The following EXOC5 variants were observed in gnomAD, a reference collection of about 807,000 sequenced individuals.
The protein encoded by EXOC5 is SEC10-like 1.
A neutral mutation model predicts 90.8 loss-of-function variants in EXOC5; 17 were observed. The observed-to-expected ratio is 0.19, with a 90% CI of 0.13 to 0.28. The LOEUF is 0.28. EXOC5 is among the 10% of genes least tolerant of loss of function. The pLI, the probability that EXOC5 is intolerant of heterozygous loss-of-function variation, is 1.00. For synonymous variants in EXOC5, 260 were observed against 270.0 expected (o/e 0.96, Z 0.36); for missense variants, 569 against 830.6 (o/e 0.69, Z 3.87).
chr14:57,215,895 T>C (rs1011991164), intron 15 of EXOC5, among the ~76,000 whole-genome samples: 6 of 152,220 alleles, frequency 3.9e-5, no homozygotes, highest in African/African-American at 1.4e-4. Flanking sequence ...AACTGTCTCT[T>C]TGCAGATGAT....
chr14:57,211,369 T>C (rs1882820288), intron 15 of EXOC5, among the ~76,000 whole-genome samples: 1 of 152,170 alleles, frequency 6.6e-6, no homozygotes, highest in African/African-American at 2.4e-5. Context: ...TGTATTATTT[T>C]TTGTATATGT....
chr14:57,263,014 G>A (rs1474486805), intron 1 of EXOC5, among the ~76,000 whole-genome samples: 1 of 152,096 alleles, frequency 6.6e-6, no homozygotes, highest in Non-Finnish European at 1.5e-5. Context: ...CAAATGACAA[G>A]AACTATGTCA....
At chr14:57,262,670 GTATA>G (rs1291957099) in intron 1 of EXOC5, among the ~76,000 whole-genome samples, 1 of 142,184 alleles carries the variant, frequency 7.0e-6, no homozygotes, top group South Asian at 2.1e-4. Flanking sequence ...ATACATAAGT[GTATA>G]TATATACATT....
At chr14:57,251,355 G>A (rs1261119123) in intron 1 of EXOC5, among the ~76,000 whole-genome samples, 1 of 152,186 alleles carries the variant, frequency 6.6e-6, no homozygotes, top group Non-Finnish European at 1.5e-5. Context: ...GGCATAAAGA[G>A]GCTGGTGGCC....
intron 15 of EXOC5, among the ~76,000 whole-genome samples, chr14:57,213,862 C>G (rs991872561): frequency 4.5e-4 from 68 of 151,066 alleles, no homozygotes; most frequent in African/African-American, 1.5e-3. Flanking sequence ...CCCAGCTACT[C>G]GGGAGGCTGA....
At chr14:57,239,350 A>G (rs1883783882) in intron 5 of EXOC5, among the ~76,000 whole-genome samples, 1 of 152,176 alleles carries the variant, frequency 6.6e-6, no homozygotes, top group Non-Finnish European at 1.5e-5. Context: ...TTCAGGAGAC[A>G]GGGACTGAAA....
At chr14:57,219,948 G>A (rs948662768) in intron 13 of EXOC5, among the ~76,000 whole-genome samples, 1 of 151,936 alleles carries the variant, frequency 6.6e-6, no homozygotes, top group Non-Finnish European at 1.5e-5. Context: ...AATAAAAAGG[G>A]AATCAAGCCA....
In EXOC5 at chr14:57,208,228, AG is replaced by A. The variant is rs1566723022; in HGVS notation, c.*380del. The A allele has an allele frequency of 6.2e-6, 1 of 161,326 alleles. No homozygotes were observed. The highest frequency in any genetic ancestry group is 1.4e-5 in the Non-Finnish European group (1 of 74,052). 10.0% of individuals were successfully genotyped at this position (161,326 alleles called of 1,614,324 possible). A position where few individuals can be genotyped will look rare whatever the true frequency, so the allele number is the denominator to read the frequency against. On this transcript the variant is annotated 3_prime_UTR_variant, in exon 18 of 18. Coordinates refer to ENST00000621441, the MANE Select transcript of EXOC5 (RefSeq NM_006544.4). ...ATTTCACCTATTATTAATGGAAAAC[AG>A]AATGGCAAAATTTCTAAATGGAATA...
intron 6 of EXOC5, among the ~76,000 whole-genome samples, chr14:57,236,292 T>C (rs894126373): frequency 1.3e-5 from 2 of 150,538 alleles, no homozygotes; most frequent in Admixed American, 6.6e-5. Context: ...ATTTTCTTTT[T>C]TTTTTTTTTT....
At chr14:57,255,631 G>A (rs907954261) in intron 1 of EXOC5, among the ~76,000 whole-genome samples, 1 of 152,070 alleles carries the variant, frequency 6.6e-6, no homozygotes, top group African/African-American at 2.4e-5. Flanking sequence ...TCAGGAGTTC[G>A]AGACCAGCCT....
At chr14:57,223,954 T>C (rs577568672) in intron 12 of EXOC5, among the ~76,000 whole-genome samples, 2 of 152,262 alleles carry the variant, frequency 1.3e-5, no homozygotes, top group African/African-American at 4.8e-5. Flanking sequence ...ATAACATATT[T>C]CTAAATCACG....
intron 13 of EXOC5, among the ~76,000 whole-genome samples, chr14:57,220,624 A>G (rs1883102453): frequency 6.6e-6 from 1 of 151,748 alleles, no homozygotes; most frequent in Non-Finnish European, 1.5e-5. Flanking sequence ...ACAAAGTAAG[A>G]CCCCAACTCT....
At chr14:57,217,854 AAAATC>A in intron 15 of EXOC5, 123 bp downstream of exon 15, 1 of 644,268 alleles carries the variant, frequency 1.6e-6, no homozygotes, top group Non-Finnish European at 2.8e-6. Flanking sequence ...ATGTAAAAAT[AAAATC>A]AAATGTAGCA....
intron 1 of EXOC5, among the ~76,000 whole-genome samples, chr14:57,252,223 T>C (rs971877833): frequency 6.6e-6 from 1 of 152,200 alleles, no homozygotes; most frequent in Non-Finnish European, 1.5e-5. Flanking sequence ...AGCATTACCC[T>C]GATACACGAA....
At chr14:57,231,763 T>C (rs369627232) in intron 10 of EXOC5, 48 bp from the exon 11 acceptor site, 14 of 1,260,716 alleles carry the variant, frequency 1.1e-5, no homozygotes, top group East Asian at 4.6e-5. Context: ...ATTTTAGGTA[T>C]AGTAACAATA....
chr14:57,248,636 T>A (rs963748684), intron 1 of EXOC5, among the ~76,000 whole-genome samples: 3 of 152,120 alleles, frequency 2.0e-5, no homozygotes, highest in African/African-American at 7.2e-5. Context: ...CTAATTTACA[T>A]ACTTTTCATA....
Position 57,231,501 on chromosome 14 carries a change from C to T in EXOC5, c.1148+5G>A. The T allele has an allele frequency of 6.3e-7, 1 of 1,591,772 alleles. No individual in the cohort carries two copies. Among genetic ancestry groups the T allele is most frequent in the Non-Finnish European group, 8.5e-7 (1 of 1,170,420 alleles). On this transcript the variant is annotated splice_donor_5th_base_variant and intron_variant, in intron 11 of 17. Transcript: ENST00000621441. Reference sequence around the variant, plus strand: ...TTAACAGAAGTATTTAACAAAAATACTCACCCTCCTGTGCCAATGGATCTC... The same window carrying T: ...TTAACAGAAGTATTTAACAAAAATATTCACCCTCCTGTGCCAATGGATCTC...
At chr14:57,228,238 C>A (rs985623210) in intron 12 of EXOC5, among the ~76,000 whole-genome samples, 1 of 152,124 alleles carries the variant, frequency 6.6e-6, no homozygotes, top group East Asian at 1.9e-4. Flanking sequence ...AATAGGAATG[C>A]TTCTACACTG....
At chr14:57,227,366 C>T (rs930617025) in intron 12 of EXOC5, among the ~76,000 whole-genome samples, 1 of 152,148 alleles carries the variant, frequency 6.6e-6, no homozygotes, top group African/African-American at 2.4e-5. Flanking sequence ...CTCTACTTCA[C>T]TCATTTAAAT....
Sources: gnomAD v4.1 joint callset for allele counts (sites outside exome capture counted in the v4.1 genomes callset) on GRCh38, gnomAD v4.1.1 for gene constraint, MANE v1.5 for transcripts, NCBI Gene and HGNC (gene_info 2026-07-23, HGNC 2026-07-21) for gene names.